Variants in PCDHA5 observed in about 807,000 individuals in gnomAD.
PCDHA5 encodes the protein protocadherin alpha 5.
Under a neutral mutation model 61.6 loss-of-function variants are expected in PCDHA5, and 43 were observed. The ratio of observed to expected loss-of-function variants is 0.70; its 90% CI spans 0.55 to 0.90. The LOEUF (loss-of-function observed/expected upper bound fraction) is 0.90. Ranked by LOEUF, PCDHA5 falls within the 40% of genes least tolerant of loss-of-function variation. The pLI is 0.00. For synonymous variants in PCDHA5, 627 were observed against 543.9 expected (o/e 1.15, Z -2.13); for missense variants, 1,298 against 1,222.7 (o/e 1.06, Z -0.92).
At chr5:140,945,488 C>T (rs1362622912) in intron 1 of PCDHA5, among the ~76,000 whole-genome samples, 1 of 151,910 alleles carries the variant, frequency 6.6e-6, no homozygotes, top group Non-Finnish European at 1.5e-5. Flanking sequence ...ACCCCAAATA[C>T]CCAAAGCAAT....
At chr5:140,918,237 T>C (rs2078587640) in intron 1 of PCDHA5, among the ~76,000 whole-genome samples, 2 of 152,240 alleles carry the variant, frequency 1.3e-5, no homozygotes, top group Admixed American at 1.3e-4. Context: ...TGTACATTGA[T>C]TTTGTATGCT....
At chr5:140,860,913 A>G (rs1423371903) in intron 1 of PCDHA5, 5 of 152,086 alleles carry the variant, frequency 3.3e-5, no homozygotes, top group African/African-American at 9.7e-5. Flanking sequence ...AATTTTTTGT[A>G]TTTTTAGTAG....
rs149795080 is a variant in PCDHA5 at position 140,995,000 on chromosome 5, T to C, written c.2500+12437T>C. Among the ~76,000 whole-genome samples the C allele has an allele frequency of 1.7e-3, 261 of 152,326 alleles. 1 individual carries two copies. The highest frequency in any genetic ancestry group is 6.1e-3 in the African/African-American group (253 of 41,578). ...GAGACCCACTAGAAGGTTAGTTGGTTTGTTTATATTTAGGAAAGAAGATTC... is the reference window on the plus strand; with the variant it reads ...GAGACCCACTAGAAGGTTAGTTGGTCTGTTTATATTTAGGAAAGAAGATTC... On this transcript the variant is annotated intron_variant, in intron 3 of 3. Transcript: ENST00000529859.
chr5:140,923,019 C>T (rs540025993), intron 1 of PCDHA5, among the ~76,000 whole-genome samples: 4 of 152,168 alleles, frequency 2.6e-5, no homozygotes, highest in South Asian at 2.1e-4. Context: ...ACTGCAGTTT[C>T]GGACTCTATT....
intron 1 of PCDHA5, chr5:140,882,397 C>T (rs1554173926): frequency 6.2e-7 from 1 of 1,614,190 alleles, no homozygotes; most frequent in South Asian, 1.1e-5. Flanking sequence ...AACACGGCAC[C>T]TTCGTGGGCC....
chr5:140,834,060 A>G (rs1554134035), intron 1 of PCDHA5, among the ~76,000 whole-genome samples: 1 of 152,232 alleles, frequency 6.6e-6, no homozygotes, highest in Admixed American at 6.5e-5. Flanking sequence ...TCTAACAATC[A>G]TGAGAAATGC....
intron 1 of PCDHA5, among the ~76,000 whole-genome samples, chr5:140,978,099 C>T (rs547323907): frequency 1.1e-4 from 17 of 152,292 alleles, no homozygotes; most frequent in African/African-American, 3.6e-4. Flanking sequence ...ACATAACTCC[C>T]CCAACAGTCT....
At chr5:140,883,219 A>G (rs1416740017) in intron 1 of PCDHA5, 1 of 1,613,942 alleles carries the variant, frequency 6.2e-7, no homozygotes, top group Non-Finnish European at 8.5e-7. Flanking sequence ...AATTATATGA[A>G]ATATCCGTGG....
At chr5:140,863,429 G>A (rs781937083) in intron 1 of PCDHA5, 1 of 653,862 alleles carries the variant, frequency 1.5e-6, no homozygotes, top group East Asian at 4.5e-5. Flanking sequence ...AGCGTAGTGG[G>A]ATCTGGTCTT....
intron 1 of PCDHA5, chr5:140,884,520 C>G (rs782029549): frequency 4.3e-6 from 7 of 1,613,918 alleles, no homozygotes; most frequent in Middle Eastern, 1.6e-4. Flanking sequence ...TGGTCGTACT[C>G]GCAGCAGAGG....
chr5:140,851,579 C>T lies in PCDHA5; in HGVS notation c.2352+27452C>T, dbSNP rs527993952. On this transcript the variant is annotated intron_variant, in intron 1 of 3. Transcript: ENST00000529859. ...ACTGAAATTTTGTCTACACTTAGAA[C>T]ATTTTTTGAAATTCAGTTTACAGAA... 1.1e-5 allele frequency: 10 copies of T among 913,374 alleles called. No homozygotes were observed. In the South Asian group the frequency reaches 4.0e-4, roughly 36 times the overall value. 56.6% of individuals were successfully genotyped at this position (913,374 alleles called of 1,614,324 possible).
At chr5:140,960,446 T>C (rs1563310715) in intron 1 of PCDHA5, among the ~76,000 whole-genome samples, 2 of 152,204 alleles carry the variant, frequency 1.3e-5, no homozygotes, top group African/African-American at 4.8e-5. Context: ...GATATATGTA[T>C]GGATAATTTT....
At chr5:140,990,780 G>A (rs900658402) in intron 3 of PCDHA5, among the ~76,000 whole-genome samples, 20 of 152,192 alleles carry the variant, frequency 1.3e-4, no homozygotes, top group African/African-American at 4.8e-4. Flanking sequence ...CTCTGTGTTG[G>A]ACGATGAACC....
intron 1 of PCDHA5, chr5:140,877,867 T>C: frequency 2.7e-6 from 4 of 1,490,888 alleles, no homozygotes; most frequent in Non-Finnish European, 3.6e-6. Context: ...TTTAGATATA[T>C]TTGTTTCCTT....
At chr5:140,885,045 G>T (rs528565062) in intron 1 of PCDHA5, among the ~76,000 whole-genome samples, 3 of 152,238 alleles carry the variant, frequency 2.0e-5, no homozygotes, top group Admixed American at 1.3e-4. Context: ...TTAGTTTAAT[G>T]TATACATATA....
intron 1 of PCDHA5, among the ~76,000 whole-genome samples, chr5:140,975,572 C>T (rs1356117545): frequency 6.6e-6 from 1 of 152,202 alleles, no homozygotes; most frequent in African/African-American, 2.4e-5. Context: ...ATATTATATG[C>T]AGTCTCATGT....
intron 1 of PCDHA5, chr5:140,848,375 C>T: frequency 1.7e-6 from 2 of 1,165,908 alleles, no homozygotes; most frequent in Admixed American, 4.7e-5. Flanking sequence ...AGGCTCAATT[C>T]TTTTTCACTC....
intron 3 of PCDHA5, 116 bp from the exon 4 acceptor site, chr5:141,009,511 G>A (rs2098410295): frequency 2.7e-5 from 41 of 1,498,054 alleles, no homozygotes; most frequent in Admixed American, 9.3e-5. Context: ...CAAACAACTC[G>A]TGATTTTTCT....
intron 1 of PCDHA5, among the ~76,000 whole-genome samples, chr5:140,838,786 G>C (rs1554137197): frequency 6.6e-6 from 1 of 151,962 alleles, no homozygotes; most frequent in African/African-American, 2.4e-5. Context: ...GCTATGCATG[G>C]TGATGCATGT....
Sources: allele counts gnomAD v4.1 joint callset (sites outside exome capture counted in the v4.1 genomes callset), GRCh38; gene constraint gnomAD v4.1.1; transcripts MANE v1.5; gene names NCBI Gene and HGNC (gene_info 2026-07-23, HGNC 2026-07-21).